CLCN6: variants seen among roughly 807,000 people sequenced by gnomAD.
The protein encoded by CLCN6 is H(+)/Cl(-) exchange transporter 6.
In CLCN6, 70 loss-of-function variants were observed where a neutral mutation model predicts 109.8. The observed-to-expected ratio is 0.64, with a 90% CI of 0.53 to 0.78. CLCN6 has a LOEUF of 0.78. Among genes scored for constraint, CLCN6 ranks in the 30% least tolerant of loss-of-function variants. The probability of loss-of-function intolerance (pLI) is 0.00; values close to 1 mark genes in which losing one functional copy is unlikely to be tolerated. For missense variants in CLCN6, 984 were observed against 1,142.3 expected, an observed-to-expected ratio of 0.86 and a Z score of 2.00; for synonymous variants, 444 against 447.8, an observed-to-expected ratio of 0.99 and a Z score of 0.11.
At chr1:11,823,953 C>T (rs987077412) in intron 7 of CLCN6, 120 bp downstream of exon 7, 6 of 1,306,998 alleles carry the variant, frequency 4.6e-6, no homozygotes, top group East Asian at 2.4e-5. Flanking sequence ...CTGATGTCTG[C>T]ACTTTTTGTT....
intron 18 of CLCN6, 104 bp downstream of exon 18, chr1:11,836,257 C>T (rs1644948465): frequency 1.9e-6 from 2 of 1,072,206 alleles, no homozygotes; most frequent in African/African-American, 1.6e-5. Flanking sequence ...CTTACCGGCT[C>T]TCAGGGGAAG....
chr1:11,835,431 C>A (rs1020011690), intron 17 of CLCN6, among the ~76,000 whole-genome samples: 14 of 152,198 alleles, frequency 9.2e-5, no homozygotes, highest in African/African-American at 3.4e-4. Flanking sequence ...GCCACCACAC[C>A]TGGCTAATTT....
At chr1:11,822,855 C>G (rs1388214423) in intron 6 of CLCN6, 54 bp downstream of exon 6, 2 of 1,103,142 alleles carry the variant, frequency 1.8e-6, no homozygotes, top group Non-Finnish European at 2.8e-6. Context: ...GTCCCGCACT[C>G]CTTTTCCCCA....
At chr1:11,828,058 G>A (rs766577739) in intron 10 of CLCN6, 48 bp from the exon 11 acceptor site, 3 of 1,384,090 alleles carry the variant, frequency 2.2e-6, no homozygotes, top group Non-Finnish European at 3.1e-6. Context: ...GGAGAGAGTA[G>A]GACATGCCAC....
intron 7 of CLCN6, 29 bp from the exon 8 acceptor site, chr1:11,824,457 G>A (rs1392358467): frequency 2.5e-6 from 4 of 1,601,494 alleles, no homozygotes; most frequent in East Asian, 2.2e-5. Context: ...TGCACTGACT[G>A]TTGGTCTTTC....
At chr1:11,810,915 T>C (rs1020391015) in intron 2 of CLCN6, among the ~76,000 whole-genome samples, 3 of 152,162 alleles carry the variant, frequency 2.0e-5, no homozygotes, top group Admixed American at 2.0e-4. Flanking sequence ...AAAAATTTGT[T>C]CAAAATTAGC....
intron 22 of CLCN6, among the ~76,000 whole-genome samples, chr1:11,839,279 T>C (rs991516819): frequency 6.6e-6 from 1 of 152,216 alleles, no homozygotes; most frequent in Non-Finnish European, 1.5e-5. Context: ...GTTGTTGTTT[T>C]GAGACAGGGT....
Position 11,819,475 on chromosome 1 carries a change from T to G in CLCN6, c.280-13T>G. ...GAAATAAGGCTGTGTGACAGATCTC[T>G]TGCTCTTCACAGGTGGGTCTCTTTG... is the stretch of plus-strand genomic sequence containing the variant. On this transcript the variant is annotated splice_polypyrimidine_tract_variant and intron_variant, in intron 4 of 22. Coordinates refer to ENST00000346436, the MANE Select transcript of CLCN6 (RefSeq NM_001286.5). 1 of 1,613,552 alleles carries G rather than the reference T, an allele frequency of 6.2e-7. No individual in the cohort carries two copies. Among genetic ancestry groups the G allele is most frequent in the South Asian group, 1.1e-5 (1 of 91,078 alleles).
At chr1:11,828,368 C>A in intron 11 of CLCN6, 90 bp from the exon 12 acceptor site, 1 of 1,545,998 alleles carries the variant, frequency 6.5e-7, no homozygotes, top group East Asian at 2.2e-5. Context: ...GGAAAGCAGC[C>A]CCACTCTTGC....
rs746527484 is a variant in CLCN6 at position 11,837,419 on chromosome 1, C to A, written c.2215C>A (p.Leu739Met). The change falls in exon 20 of 23, where the codon CTG becomes ATG. Residue 739 changes from leucine to methionine, a missense_variant. Physicochemically the swap from Leu to Met is conservative, Grantham distance 15. Transcript: ENST00000346436. The stretch of plus-strand genomic sequence containing the variant: ...GACCATGGAGGAGCGGTTCCGCCCT[C>A]TGACCTTCCACGGCCTGATCCTTCG... The part of the protein sequence containing the change: ...DWTMEERFRP[L>M]TFHGLILRSQ... 1.2e-6 allele frequency: 2 copies of A among 1,614,206 alleles called. No homozygotes were observed. Among genetic ancestry groups the A allele is most frequent in the Admixed American group, 3.3e-5 (2 of 60,026 alleles).
chr1:11,828,736 T>C, intron 12 of CLCN6, 112 bp downstream of exon 12: 1 of 1,154,054 alleles, frequency 8.7e-7, no homozygotes, highest in Non-Finnish European at 1.2e-6. Context: ...TGATTTCTCA[T>C]CTAAGACTGA....
intron 9 of CLCN6, 111 bp downstream of exon 9, chr1:11,826,325 A>G: frequency 3.5e-6 from 3 of 866,588 alleles, no homozygotes; most frequent in Non-Finnish European, 5.7e-6. Context: ...GGGAAACCCG[A>G]CTGGGAGAAG....
chr1:11,834,423 C>A lies in CLCN6; in HGVS notation c.1686+28C>A. On this transcript the variant is annotated intron_variant, in intron 16 of 22. Coordinates refer to ENST00000346436, the MANE Select transcript of CLCN6 (RefSeq NM_001286.5). This position sits in a 1 kb window ranked among gnomAD's most constrained non-coding sequence, Gnocchi z 4.5. ...GAGCACACTCCCTCCAGGCCCCTGT[C>A]AGGCTCAGGGCCACGTCCGCCCCAC... 1.2e-6 allele frequency: 2 copies of A among 1,613,032 alleles called. No individual in the cohort carries two copies. Among genetic ancestry groups the A allele is most frequent in the Non-Finnish European group, 1.7e-6 (2 of 1,179,164 alleles).
intron 4 of CLCN6, among the ~76,000 whole-genome samples, chr1:11,816,917 A>G (rs1470652468): frequency 6.6e-6 from 1 of 151,884 alleles, no homozygotes; most frequent in Non-Finnish European, 1.5e-5. Flanking sequence ...GTGAAATGAA[A>G]GCGAGACACA....
In CLCN6 at chr1:11,834,266, G is replaced by T. The variant is rs1557432580; in HGVS notation, c.1557G>T (p.Gly519=). 1 of 1,613,912 alleles carries T rather than the reference G, an allele frequency of 6.2e-7. No homozygotes were observed. The highest frequency in any genetic ancestry group is 8.5e-7 in the Non-Finnish European group (1 of 1,179,948). ...TTGGATTGGGCCACATCTATTCGGG[G>T]ACCTTTGCCCTGATTGGTGCAGCGG... is the stretch of plus-strand genomic sequence containing the variant. ...SYIGLGHIYS[G]TFALIGAAAF... Residue 519 remains glycine (G), a synonymous_variant, in exon 16 of 23, where the codon GGG becomes GGT. Coordinates refer to ENST00000346436, the MANE Select transcript of CLCN6 (RefSeq NM_001286.5). The surrounding 1 kb of genome is among the most constrained non-coding windows in gnomAD (Gnocchi z 4.5).
At chr1:11,813,768 C>G (rs576661467) in intron 2 of CLCN6, among the ~76,000 whole-genome samples, 13 of 152,290 alleles carry the variant, frequency 8.5e-5, no homozygotes, top group Non-Finnish European at 1.5e-4. Context: ...CAAATATCTC[C>G]TTAAGCACTA....
chr1:11,812,236 G>C (rs544302776), intron 2 of CLCN6, among the ~76,000 whole-genome samples: 1 of 152,200 alleles, frequency 6.6e-6, no homozygotes, highest in Non-Finnish European at 1.5e-5. Context: ...ACACAGAAAT[G>C]CTACTTACAT....
chr1:11,837,590 G>T, intron 20 of CLCN6, 91 bp downstream of exon 20: 1 of 1,328,456 alleles, frequency 7.5e-7, no homozygotes. Context: ...CAGTGCCATA[G>T]GGAAAGCTGA....
rs1254156098 is a variant in CLCN6 at position 11,841,802 on chromosome 1, A to C, written c.*1579A>C. 1.3e-5 allele frequency: 2 copies of C among 152,194 alleles called. No individual in the cohort carries two copies. The highest frequency in any genetic ancestry group is 4.8e-5 in the African/African-American group (2 of 41,434). The allele number at this position is 152,194 out of a possible 1,614,324, so 9.4% of individuals were successfully genotyped here. A position where few individuals can be genotyped will look rare whatever the true frequency, so the allele number is the denominator to read the frequency against. ...CCACTCCAGAGATGGGGCTGCTTCA[A>C]GGTCTTTTCTAGCTGATTGTGGCCC... is the stretch of plus-strand genomic sequence containing the variant. On this transcript the variant is annotated 3_prime_UTR_variant, in exon 23 of 23. Transcript: ENST00000346436.
Sources: allele counts gnomAD v4.1 joint callset (sites outside exome capture counted in the v4.1 genomes callset), GRCh38; gene constraint gnomAD v4.1.1; non-coding constraint Gnocchi (gnomAD v3.1); transcripts MANE v1.5; gene names NCBI Gene and HGNC (gene_info 2026-07-23, HGNC 2026-07-21).